The following MEOX2 variants were observed in gnomAD, a reference collection of about 807,000 sequenced individuals.
MEOX2 encodes the protein homeobox protein MOX-2.
MEOX2 carries 11 observed loss-of-function variants against 27.0 expected under a neutral mutation model. The ratio of observed to expected loss-of-function variants is 0.41; its 90% CI spans 0.26 to 0.68. The LOEUF (loss-of-function observed/expected upper bound fraction) is 0.68. Ranked by LOEUF, MEOX2 falls within the 30% of genes least tolerant of loss-of-function variation. The pLI, the probability that MEOX2 is intolerant of heterozygous loss-of-function variation, is 0.33. For missense variants in MEOX2, 436 were observed against 385.4 expected, an observed-to-expected ratio of 1.13 and a Z score of -1.10; for synonymous variants, 189 against 155.4, an observed-to-expected ratio of 1.22 and a Z score of -1.61.
In MEOX2 at chr7:15,686,427, C is replaced by G; in HGVS notation, c.-25G>C. ...TAGCATGCAAGTTTCGGGTTCCAGG[C>G]AGAAGACTTCACGGCGGTTCCAAAG... On this transcript the variant is annotated 5_prime_UTR_variant, in exon 1 of 3. Transcript: ENST00000262041. 6.5e-7 allele frequency: 1 copy of G among 1,547,982 alleles called. No individual in the cohort carries two copies. The highest frequency in any genetic ancestry group is 1.2e-5 in the South Asian group (1 of 83,586).
rs147338367 is a variant in MEOX2, at chr7:15,624,823, G to A, written c.690+1923C>T. Among the ~76,000 whole-genome samples the A allele has an allele frequency of 1.6e-4, 24 of 152,256 alleles. No homozygotes were observed. The East Asian group carries it at 2.3e-3, about 15-fold the overall frequency. On this transcript the variant is annotated intron_variant, in intron 2 of 2. Transcript: ENST00000262041. ...CAGCAAAGGGTAACTAACACAAAATGTTAAAAGAATCTTTAAAACAACATT... is the reference window on the plus strand; with the variant it reads ...CAGCAAAGGGTAACTAACACAAAATATTAAAAGAATCTTTAAAACAACATT...
intron 1 of MEOX2, among the ~76,000 whole-genome samples, chr7:15,655,833 G>A (rs1360361142): frequency 6.6e-6 from 1 of 151,638 alleles, no homozygotes; most frequent in Non-Finnish European, 1.5e-5. Flanking sequence ...TGCTGTTTCA[G>A]GATAGAATAT....
chr7:15,664,768 G>A (rs1025308017), intron 1 of MEOX2, among the ~76,000 whole-genome samples: 3 of 152,074 alleles, frequency 2.0e-5, no homozygotes, highest in African/African-American at 7.2e-5. Context: ...TCTTGGCTTA[G>A]TCTCTGCTCT....
chr7:15,623,496 T>C (rs1003291663), intron 2 of MEOX2, among the ~76,000 whole-genome samples: 2 of 152,122 alleles, frequency 1.3e-5, no homozygotes, highest in Non-Finnish European at 2.9e-5. Context: ...CAGCCTCCCA[T>C]GTACCTAGGA....
chr7:15,685,026 C>T (rs975515604), intron 1 of MEOX2, among the ~76,000 whole-genome samples: 13 of 152,168 alleles, frequency 8.5e-5, no homozygotes, highest in African/African-American at 1.2e-4. Flanking sequence ...GCGCCTCCTG[C>T]GCGCACCCTT....
intron 1 of MEOX2, among the ~76,000 whole-genome samples, chr7:15,664,199 G>A (rs1038871598): frequency 6.6e-6 from 1 of 152,138 alleles, no homozygotes; most frequent in African/African-American, 2.4e-5. Context: ...AGAAATAAGG[G>A]ATTAAACAAA....
At chr7:15,631,402 G>T (rs749340533) in intron 1 of MEOX2, among the ~76,000 whole-genome samples, 11 of 151,826 alleles carry the variant, frequency 7.2e-5, no homozygotes, top group African/African-American at 2.2e-4. Flanking sequence ...ATTGAAGATA[G>T]ATTATTTTTT....
At chr7:15,654,443 T>C (rs1044774353) in intron 1 of MEOX2, among the ~76,000 whole-genome samples, 5 of 151,786 alleles carry the variant, frequency 3.3e-5, no homozygotes, top group Non-Finnish European at 5.9e-5. Flanking sequence ...TACCTTTCAG[T>C]CTTATGTTGA....
intron 1 of MEOX2, among the ~76,000 whole-genome samples, chr7:15,676,841 G>C (rs932620669): frequency 6.7e-6 from 1 of 148,574 alleles, no homozygotes; most frequent in African/African-American, 2.5e-5. Context: ...CTGGGCAACA[G>C]AACAAAACTC....
intron 1 of MEOX2, among the ~76,000 whole-genome samples, chr7:15,640,579 A>C (rs1781544110): frequency 6.6e-6 from 1 of 152,056 alleles, no homozygotes; most frequent in African/African-American, 2.4e-5. Flanking sequence ...AGCAATGGTG[A>C]GAGTGGGCAT....
intron 1 of MEOX2, chr7:15,675,917 C>G (rs996671220): frequency 6.6e-6 from 1 of 152,112 alleles, no homozygotes; most frequent in Non-Finnish European, 1.5e-5. Flanking sequence ...TTAAACTTCT[C>G]TTGTTTTAGG....
chr7:15,686,308 C>A lies in MEOX2; in HGVS notation c.95G>T (p.Arg32Ile). 2 of 1,610,260 alleles carry A rather than the reference C, an allele frequency of 1.2e-6. No homozygotes were observed. Among genetic ancestry groups the A allele is most frequent in the Non-Finnish European group, 1.7e-6 (2 of 1,178,114 alleles). Residue 32 changes from arginine (R) to isoleucine (I), a missense_variant, in exon 1 of 3, where the codon AGA becomes ATA. Physicochemically the swap from Arg to Ile is moderately conservative, Grantham distance 97 (BLOSUM62 -3). Coordinates refer to ENST00000262041, the MANE Select transcript of MEOX2 (RefSeq NM_005924.5). ...FSQSSLALHG[R>I]SDHMSYPELS... ...CTCGGGGTAAGACATATGGTCAGAT[C>A]TTCCATGGAGGGCGAGAGAGGATTG...
At chr7:15,650,848 G>A (rs771235777) in intron 1 of MEOX2, among the ~76,000 whole-genome samples, 3 of 152,020 alleles carry the variant, frequency 2.0e-5, no homozygotes, top group Non-Finnish European at 4.4e-5. Context: ...AGACAACAGA[G>A]GCACTCGATC....
chr7:15,680,311 C>T (rs1782272706), intron 1 of MEOX2: 1 of 151,794 alleles, frequency 6.6e-6, no homozygotes, highest in Non-Finnish European at 1.5e-5. Context: ...TCTAGTACAA[C>T]ATTCTTTAAA....
chr7:15,648,348 G>A (rs984182483), intron 1 of MEOX2, among the ~76,000 whole-genome samples: 2 of 152,000 alleles, frequency 1.3e-5, no homozygotes, highest in Non-Finnish European at 2.9e-5. Context: ...CCTTAAAATT[G>A]TAACCAACTA....
intron 1 of MEOX2, among the ~76,000 whole-genome samples, chr7:15,628,666 T>C (rs986152070): frequency 6.6e-6 from 1 of 152,116 alleles, no homozygotes; most frequent in African/African-American, 2.4e-5. Context: ...ATGATGTGTG[T>C]GCTCTCAGGT....
intron 1 of MEOX2, among the ~76,000 whole-genome samples, chr7:15,628,569 C>G (rs909901124): frequency 7.2e-5 from 11 of 152,072 alleles, no homozygotes; most frequent in Non-Finnish European, 2.9e-5. Context: ...GGGGCTTTAT[C>G]CAGCACCAAA....
chr7:15,635,312 C>T (rs1318696888), intron 1 of MEOX2, among the ~76,000 whole-genome samples: 2 of 151,922 alleles, frequency 1.3e-5, no homozygotes, highest in African/African-American at 4.8e-5. Flanking sequence ...ATGGCCTTTT[C>T]ACAACAAGGA....
chr7:15,645,806 A>T (rs1422980986), intron 1 of MEOX2, among the ~76,000 whole-genome samples: 1 of 152,144 alleles, frequency 6.6e-6, no homozygotes, highest in African/African-American at 2.4e-5. Context: ...AAGGGAAATG[A>T]TCACGGAAAT....
Sources: allele counts gnomAD v4.1 joint callset (sites outside exome capture counted in the v4.1 genomes callset), GRCh38; gene constraint gnomAD v4.1.1; transcripts MANE v1.5; gene names NCBI Gene and HGNC (gene_info 2026-07-23, HGNC 2026-07-21).